The following CNOT10 variants were observed in gnomAD, a reference collection of about 807,000 sequenced individuals.
CNOT10 encodes CCR4-NOT transcription complex subunit 10, also known as CCR4-NOT transcription complex, subunit 10.
Under a neutral mutation model 94.6 loss-of-function variants are expected in CNOT10, and 30 were observed. That is an observed-to-expected ratio of 0.32 (90% confidence interval 0.24 to 0.43). CNOT10 has a LOEUF of 0.43. Among genes scored for constraint, CNOT10 ranks in the 20% least tolerant of loss-of-function variants. The pLI is 1.00. For synonymous variants in CNOT10, 289 were observed against 301.6 expected, an observed-to-expected ratio of 0.96 and a Z score of 0.43; for missense variants, 759 against 877.2, an observed-to-expected ratio of 0.87 and a Z score of 1.70.
At chr3:32,757,002 A>C (rs1004341751) in intron 13 of CNOT10, among the ~76,000 whole-genome samples, 4 of 150,412 alleles carry the variant, frequency 2.7e-5, no homozygotes, top group African/African-American at 9.8e-5. Flanking sequence ...GCTACTTGGG[A>C]GGCTGAGGCA....
chr3:32,704,024 C>A, intron 2 of CNOT10, 62 bp downstream of exon 2: 5 of 999,580 alleles, frequency 5.0e-6, no homozygotes, highest in Non-Finnish European at 7.5e-6. Flanking sequence ...TGAATCTTTT[C>A]ATAGTGAATT....
intron 3 of CNOT10, 69 bp from the exon 4 acceptor site, chr3:32,708,601 A>G (rs1252408357): frequency 7.4e-7 from 1 of 1,345,122 alleles, no homozygotes; most frequent in African/African-American, 1.5e-5. Flanking sequence ...TTTTATTCAT[A>G]TGAATTCTTT....
At chr3:32,713,725 A>G (rs1697990146) in intron 5 of CNOT10, among the ~76,000 whole-genome samples, 1 of 152,244 alleles carries the variant, frequency 6.6e-6, no homozygotes, top group Admixed American at 6.5e-5. Context: ...CTGTCTGGAC[A>G]TTACATATGA....
chr3:32,758,855 A>G (rs1221186313), intron 13 of CNOT10, among the ~76,000 whole-genome samples: 5 of 152,134 alleles, frequency 3.3e-5, no homozygotes, highest in African/African-American at 4.8e-5. Context: ...TGTTTGTTTA[A>G]CCTGTTTTTT....
At chr3:32,696,845 T>A (rs1442828468) in intron 1 of CNOT10, among the ~76,000 whole-genome samples, 1 of 152,230 alleles carries the variant, frequency 6.6e-6, no homozygotes, top group African/African-American at 2.4e-5. Flanking sequence ...CCCGAAGTGC[T>A]GGGATTACAG....
chr3:32,735,846 T>C (rs956171545), intron 12 of CNOT10, among the ~76,000 whole-genome samples: 15 of 152,180 alleles, frequency 9.9e-5, no homozygotes, highest in African/African-American at 3.6e-4. Flanking sequence ...TTTTCTAGTA[T>C]AAATTCAAAA....
chr3:32,773,584 G>T lies in CNOT10; in HGVS notation c.2208G>T (p.Pro736=). The T allele has an allele frequency of 6.2e-7, 1 of 1,613,918 alleles. No homozygotes were observed. The highest frequency in any genetic ancestry group is 8.5e-7 in the Non-Finnish European group (1 of 1,179,940). ...ACCCGATCCAGCCCATCCAAATGCC[G>T]GCTTTCACCACTGTGCAGAGAAAGT... The part of the protein sequence containing the change: ...PVHPIQPIQM[P]AFTTVQRK Residue 736 remains proline (P), a synonymous_variant, in exon 19 of 19, where the codon CCG becomes CCT. Transcript: ENST00000328834.
intron 7 of CNOT10, among the ~76,000 whole-genome samples, chr3:32,719,878 C>A (rs1349678004): frequency 6.6e-6 from 1 of 152,072 alleles, no homozygotes; most frequent in African/African-American, 2.4e-5. Context: ...TATACATATA[C>A]CTATATTTAT....
chr3:32,693,781 A>G (rs919779241), intron 1 of CNOT10, among the ~76,000 whole-genome samples: 1 of 152,166 alleles, frequency 6.6e-6, no homozygotes, highest in African/African-American at 2.4e-5. Context: ...AGCTCAAGCC[A>G]TCCTCCCACC....
intron 13 of CNOT10, among the ~76,000 whole-genome samples, chr3:32,748,009 T>G (rs1699782441): frequency 6.6e-6 from 1 of 152,096 alleles, no homozygotes; most frequent in Admixed American, 6.6e-5. Flanking sequence ...CAGCTACTTT[T>G]TTATTTTTTG....
intron 1 of CNOT10, among the ~76,000 whole-genome samples, chr3:32,686,898 A>G (rs982069523): frequency 1.3e-5 from 2 of 152,220 alleles, no homozygotes; most frequent in Admixed American, 6.5e-5. Context: ...TGAGTGTTGA[A>G]TAATGGATAT....
chr3:32,738,506 A>G (rs1341439705), intron 13 of CNOT10, among the ~76,000 whole-genome samples: 1 of 146,490 alleles, frequency 6.8e-6, no homozygotes, highest in Non-Finnish European at 1.5e-5. Flanking sequence ...TCTGTCTCCC[A>G]GGCTGGAGTG....
intron 1 of CNOT10, among the ~76,000 whole-genome samples, chr3:32,690,997 CTT>C (rs35755920): frequency 2.3e-5 from 3 of 128,886 alleles, no homozygotes; most frequent in African/African-American, 5.8e-5. Flanking sequence ...CTAGCTATGA[CTT>C]TTTTTTTTTT....
chr3:32,726,570 C>T (rs950214120), intron 9 of CNOT10, among the ~76,000 whole-genome samples: 4 of 151,560 alleles, frequency 2.6e-5, no homozygotes, highest in South Asian at 2.1e-4. Flanking sequence ...GTGGCAGGCG[C>T]CTGTAGCCCC....
chr3:32,714,737 T>C (rs537815449), intron 5 of CNOT10, among the ~76,000 whole-genome samples: 248 of 152,232 alleles, frequency 1.6e-3, no homozygotes, highest in African/African-American at 5.7e-3. Flanking sequence ...ATTTATGATG[T>C]TTAAGCTTCA....
At chr3:32,753,506 C>G (rs555722956) in intron 13 of CNOT10, 2 of 1,567,648 alleles carry the variant, frequency 1.3e-6, no homozygotes, top group Non-Finnish European at 1.8e-6. Flanking sequence ...GAACAGAGCA[C>G]ATTTAAAGTA....
At chr3:32,718,532 C>T (rs1165282399) in intron 7 of CNOT10, among the ~76,000 whole-genome samples, 23 of 131,404 alleles carry the variant, frequency 1.8e-4, no homozygotes, top group African/African-American at 6.0e-4. Flanking sequence ...TGCTGTGAGC[C>T]GAGACCGCGC....
chr3:32,696,638 A>G (rs1288368101), intron 1 of CNOT10, among the ~76,000 whole-genome samples: 1 of 152,060 alleles, frequency 6.6e-6, no homozygotes, highest in Non-Finnish European at 1.5e-5. Context: ...TCTCACTGTC[A>G]CCCAAGCTGG....
intron 7 of CNOT10, among the ~76,000 whole-genome samples, chr3:32,718,346 A>G (rs2125543691): frequency 7.1e-6 from 1 of 141,756 alleles, no homozygotes; most frequent in African/African-American, 2.6e-5. Context: ...GCACTTTGGG[A>G]GGCTGAGGCG....
Sources: gnomAD v4.1 joint callset for allele counts (sites outside exome capture counted in the v4.1 genomes callset) on GRCh38, gnomAD v4.1.1 for gene constraint, MANE v1.5 for transcripts, NCBI Gene and HGNC (gene_info 2026-07-23, HGNC 2026-07-21) for gene names.